DDAH1: variants seen among roughly 807,000 people sequenced by gnomAD.
DDAH1 encodes N(G),N(G)-dimethylarginine dimethylaminohydrolase 1.
In DDAH1, 19 loss-of-function variants were observed where a neutral mutation model predicts 28.8. The observed-to-expected ratio is 0.66, with a 90% confidence interval of 0.46 to 0.97. The LOEUF is 0.97. DDAH1 is among the 50% of genes least tolerant of loss of function. The pLI is 0.00. For missense variants in DDAH1, 326 were observed against 375.9 expected (o/e 0.87, Z 1.10); for synonymous variants, 153 against 154.4 (o/e 0.99, Z 0.07).
At chr1:85,444,563 C>T (rs1346031247) in intron 1 of DDAH1, among the ~76,000 whole-genome samples, 1 of 152,180 alleles carries the variant, frequency 6.6e-6, no homozygotes, top group African/African-American at 2.4e-5. Flanking sequence ...ACCTCAAGTC[C>T]TGTGTCAAAG....
intron 1 of DDAH1, among the ~76,000 whole-genome samples, chr1:85,501,241 C>A (rs1488899808): frequency 6.6e-6 from 1 of 152,116 alleles, no homozygotes. Context: ...TGTTTTTAAA[C>A]TTTATTTGGA....
intron 1 of DDAH1, among the ~76,000 whole-genome samples, chr1:85,434,532 C>A (rs1054596247): frequency 5.3e-5 from 8 of 151,896 alleles, no homozygotes; most frequent in African/African-American, 1.9e-4. Context: ...GCTGGGACTA[C>A]AGGCATGTGC....
intron 1 of DDAH1, among the ~76,000 whole-genome samples, chr1:85,442,032 CT>C (rs977189983): frequency 2.7e-4 from 39 of 146,638 alleles, no homozygotes; most frequent in African/African-American, 3.7e-4. Flanking sequence ...AAGCCACAAA[CT>C]TTTTTTTTTT....
At chr1:85,364,175 A>G (rs757267845) in intron 1 of DDAH1, among the ~76,000 whole-genome samples, 8 of 152,104 alleles carry the variant, frequency 5.3e-5, no homozygotes, top group Non-Finnish European at 8.8e-5. Flanking sequence ...CCTCATTTTC[A>G]CTTCACTGTA....
Position 85,320,518 on chromosome 1 carries a change from G to GA in DDAH1, c.*933dup, listed in dbSNP as rs370884327. 0.047 allele frequency: 6,557 copies of GA among 140,338 alleles called. 476 individuals carry two copies. Among genetic ancestry groups the GA allele is most frequent in the African/African-American group, 0.16 (6,088 of 38,632 alleles). 8.7% of individuals were successfully genotyped at this position (140,338 alleles called of 1,614,324 possible). ...AGGTGGAAACAGAAATGAGTAGAAG[G>GA]AAAAAAAAAAAAGAGTTCCTCCAAG... On this transcript the variant is annotated 3_prime_UTR_variant, in exon 6 of 6. Transcript: ENST00000284031.
At chr1:85,536,551 C>T (rs2100779719) in intron 1 of DDAH1, among the ~76,000 whole-genome samples, 1 of 152,090 alleles carries the variant, frequency 6.6e-6, no homozygotes, top group Non-Finnish European at 1.5e-5. Flanking sequence ...GATTCCTTCT[C>T]AAAACAAACA....
At chr1:85,515,904 C>G (rs1286799225) in intron 1 of DDAH1, among the ~76,000 whole-genome samples, 2 of 152,268 alleles carry the variant, frequency 1.3e-5, no homozygotes, top group East Asian at 1.9e-4. Flanking sequence ...TCTCACAGTT[C>G]TAGAGAACAG....
At chr1:85,377,288 CTACTTT>C (rs1464900257) in intron 1 of DDAH1, among the ~76,000 whole-genome samples, 1 of 152,034 alleles carries the variant, frequency 6.6e-6, no homozygotes, top group African/African-American at 2.4e-5. Flanking sequence ...AAAGCTGTTT[CTACTTT>C]TAAAGTTTTA....
chr1:85,518,395 G>C (rs543566734), intron 1 of DDAH1, among the ~76,000 whole-genome samples: 1 of 152,190 alleles, frequency 6.6e-6, no homozygotes, highest in Non-Finnish European at 1.5e-5. Context: ...TTCCCTGCTC[G>C]TTCAGGTGTT....
At chr1:85,403,015 T>C (rs962920907) in intron 1 of DDAH1, among the ~76,000 whole-genome samples, 1 of 151,886 alleles carries the variant, frequency 6.6e-6, no homozygotes, top group South Asian at 2.1e-4. Flanking sequence ...TATGTACCCA[T>C]GGAGGAGTGT....
chr1:85,457,237 T>C (rs887817975), intron 1 of DDAH1, among the ~76,000 whole-genome samples: 24 of 152,310 alleles, frequency 1.6e-4, no homozygotes, highest in South Asian at 2.1e-4. Context: ...ACTGGACTAT[T>C]ACCCCCATCT....
intron 1 of DDAH1, among the ~76,000 whole-genome samples, chr1:85,367,704 T>G (rs1337291883): frequency 2.0e-5 from 3 of 151,956 alleles, no homozygotes; most frequent in Non-Finnish European, 4.4e-5. Flanking sequence ...TGTTGAGAGG[T>G]TCCTGGAGCC....
chr1:85,420,852 T>C (rs540151609), intron 1 of DDAH1, among the ~76,000 whole-genome samples: 6 of 152,340 alleles, frequency 3.9e-5, no homozygotes, highest in African/African-American at 1.4e-4. Context: ...ATTCCCACAT[T>C]GCTATAAAGA....
chr1:85,515,459 T>C (rs2100755785), intron 1 of DDAH1, among the ~76,000 whole-genome samples: 1 of 142,420 alleles, frequency 7.0e-6, no homozygotes, highest in East Asian at 2.0e-4. Context: ...GGATGAGAAG[T>C]CAGTTTTACA....
intron 1 of DDAH1, among the ~76,000 whole-genome samples, chr1:85,406,624 T>C (rs1048083055): frequency 1.3e-5 from 2 of 152,196 alleles, no homozygotes; most frequent in Non-Finnish European, 2.9e-5. Flanking sequence ...CATTATGCTT[T>C]GAAATATGTA....
chr1:85,370,079 A>C (rs1650298913), intron 1 of DDAH1, among the ~76,000 whole-genome samples: 1 of 152,202 alleles, frequency 6.6e-6, no homozygotes, highest in Admixed American at 6.5e-5. Flanking sequence ...AGGGCTTAAG[A>C]ATGTGACTGC....
intron 1 of DDAH1, among the ~76,000 whole-genome samples, chr1:85,549,948 A>AT (rs147036585): frequency 0.02 from 3,022 of 152,196 alleles, 106 homozygotes; most frequent in African/African-American, 0.07. Context: ...CAGACCTTTA[A>AT]TTTCTATAAT....
Position 85,543,271 on chromosome 1 carries a change from A to G in DDAH1, c.-123+34713T>C, listed in dbSNP as rs190132801. On this transcript the variant is annotated intron_variant, in intron 1 of 6. Coordinates refer to the DDAH1 transcript ENST00000426972. ...AACTATCTATATACATGTTCAACAC[A>G]TTGAAATTTTTAAAATTTCAAACAT... Among the ~76,000 whole-genome samples, 6 of 152,330 alleles carry G rather than the reference A, an allele frequency of 3.9e-5. No individual in the cohort carries two copies. The East Asian group carries it at 1.2e-3, about 29-fold the overall frequency.
chr1:85,411,988 C>T (rs767728949), intron 1 of DDAH1, among the ~76,000 whole-genome samples: 4 of 152,268 alleles, frequency 2.6e-5, no homozygotes, highest in African/African-American at 7.2e-5. Context: ...TTAGAACTTC[C>T]GTCTAAATTA....
Sources: allele counts gnomAD v4.1 joint callset (sites outside exome capture counted in the v4.1 genomes callset), GRCh38; gene constraint gnomAD v4.1.1; transcripts MANE v1.5; gene names NCBI Gene and HGNC (gene_info 2026-07-23, HGNC 2026-07-21).